SLC25A37: variants seen among roughly 807,000 people sequenced by gnomAD.
SLC25A37 encodes mitoferrin-1.
SLC25A37 carries 17 observed loss-of-function variants against 31.0 expected under a neutral mutation model. That is an observed-to-expected ratio of 0.55 (90% confidence interval 0.38 to 0.82). The LOEUF (loss-of-function observed/expected upper bound fraction) is 0.82. SLC25A37 is among the 40% of genes least tolerant of loss of function. The probability of loss-of-function intolerance (pLI) is 0.00; values close to 1 mark genes in which losing one functional copy is unlikely to be tolerated. For missense variants in SLC25A37, 404 were observed against 465.8 expected (o/e 0.87, Z 1.22); for synonymous variants, 222 against 193.0 (o/e 1.15, Z -1.24).
intron 1 of SLC25A37, among the ~76,000 whole-genome samples, chr8:23,547,002 G>A (rs1334842201): frequency 1.3e-5 from 2 of 152,090 alleles, no homozygotes; most frequent in African/African-American, 4.8e-5. Flanking sequence ...GGTTGGTGAC[G>A]CTTTGCCTGG....
At chr8:23,543,450 C>T (rs28884777) in intron 1 of SLC25A37, among the ~76,000 whole-genome samples, 56,972 of 152,020 alleles carry the variant, frequency 0.37, 12,349 homozygotes, top group East Asian at 0.62. Flanking sequence ...TTAAAGTCTA[C>T]GGTAGTGCAC....
intron 3 of SLC25A37, among the ~76,000 whole-genome samples, chr8:23,570,821 C>A (rs972543130): frequency 2.6e-5 from 4 of 152,216 alleles, no homozygotes; most frequent in African/African-American, 9.7e-5. Context: ...AGACATAATT[C>A]TAGTGTCTGT....
rs192570846 is a variant in SLC25A37, at chr8:23,549,971, C to T, written c.211-16137C>T. ...CCAAGGCGGGCAGATCCCCTGAGGT[C>T]GGGAGTTTGAGACCAGCCTGACCAA... On this transcript the variant is annotated intron_variant, in intron 1 of 3. Transcript: ENST00000519973. 2.9e-4 allele frequency among the ~76,000 whole-genome samples: 40 copies of T among 137,620 alleles called. 6 individuals are homozygous for T. In the Middle Eastern group the frequency reaches 0.01, roughly 36 times the overall value. 90.3% of individuals were successfully genotyped at this position (137,620 alleles called of 152,430 possible).
intron 1 of SLC25A37, among the ~76,000 whole-genome samples, chr8:23,557,539 G>T (rs906812006): frequency 2.0e-5 from 3 of 152,160 alleles, no homozygotes; most frequent in Admixed American, 2.0e-4. Flanking sequence ...GTGAGGGAGG[G>T]CTCTGCAGGA....
At chr8:23,568,625 A>G in intron 3 of SLC25A37, 1 of 518,616 alleles carries the variant, frequency 1.9e-6, no homozygotes. Context: ...GCAGCATCAG[A>G]CATCTTGAGG....
intron 1 of SLC25A37, among the ~76,000 whole-genome samples, chr8:23,540,348 T>C (rs913752689): frequency 6.6e-6 from 1 of 152,160 alleles, no homozygotes; most frequent in Non-Finnish European, 1.5e-5. Flanking sequence ...AGCTGGATTC[T>C]AGAATATGAG....
intron 1 of SLC25A37, among the ~76,000 whole-genome samples, chr8:23,552,721 CA>C (rs1802260821): frequency 6.6e-6 from 1 of 152,190 alleles, no homozygotes; most frequent in Non-Finnish European, 1.5e-5. Flanking sequence ...TGGTTGAACG[CA>C]GTTTCTTTGA....
At chr8:23,554,230 T>C (rs1026716129) in intron 1 of SLC25A37, among the ~76,000 whole-genome samples, 2 of 152,214 alleles carry the variant, frequency 1.3e-5, no homozygotes, top group African/African-American at 4.8e-5. Context: ...GTTATAATTA[T>C]TTTGTAAATA....
chr8:23,538,598 A>G (rs1293483426), intron 1 of SLC25A37, among the ~76,000 whole-genome samples: 8 of 151,158 alleles, frequency 5.3e-5, no homozygotes, highest in Admixed American at 1.3e-4. Flanking sequence ...CGATGAGGCA[A>G]TGTCTTCATT....
intron 1 of SLC25A37, among the ~76,000 whole-genome samples, chr8:23,565,846 C>A (rs750266455): frequency 1.3e-5 from 2 of 152,220 alleles, no homozygotes; most frequent in Admixed American, 6.5e-5. Flanking sequence ...TTGCCAGTGG[C>A]AGGGGAAGGT....
At chr8:23,570,489 C>G (rs1308766968) in intron 3 of SLC25A37, among the ~76,000 whole-genome samples, 1 of 152,132 alleles carries the variant, frequency 6.6e-6, no homozygotes, top group Non-Finnish European at 1.5e-5. Flanking sequence ...AATAAACATT[C>G]GCTTACATAT....
chr8:23,550,600 C>T (rs1802197333), intron 1 of SLC25A37, among the ~76,000 whole-genome samples: 2 of 152,364 alleles, frequency 1.3e-5, no homozygotes, highest in East Asian at 1.9e-4. Flanking sequence ...GTGCCTGGCT[C>T]CCTGGCCTGT....
At chr8:23,530,702 G>A (rs879872407) in intron 1 of SLC25A37, among the ~76,000 whole-genome samples, 1 of 152,226 alleles carries the variant, frequency 6.6e-6, no homozygotes, top group Non-Finnish European at 1.5e-5. Context: ...ACTGCCCTGG[G>A]CAGAGTCTGG....
intron 1 of SLC25A37, among the ~76,000 whole-genome samples, chr8:23,559,372 CGTGT>C (rs796480377): frequency 3.1e-5 from 4 of 129,850 alleles, no homozygotes; most frequent in African/African-American, 1.1e-4. Context: ...TGCGCGCGCG[CGTGT>C]GTGTGTTTAT....
In SLC25A37 at chr8:23,574,281, A is replaced by G. The variant is rs1802934633; in HGVS notation, c.*2426A>G. 5 of 162,880 alleles carry G rather than the reference A, an allele frequency of 3.1e-5. No individual in the cohort carries two copies. The South Asian group carries it at 7.4e-4, about 24-fold the overall frequency. 10.1% of individuals were successfully genotyped at this position (162,880 alleles called of 1,614,324 possible). ...GCAGTTTGAGACCAGCCTGGCCAACATGATGAAACCCCATCTCTACTAAAA... is the reference window on the plus strand; with the variant it reads ...GCAGTTTGAGACCAGCCTGGCCAACGTGATGAAACCCCATCTCTACTAAAA... On this transcript the variant is annotated 3_prime_UTR_variant, in exon 4 of 4. Transcript: ENST00000519973.
intron 1 of SLC25A37, among the ~76,000 whole-genome samples, chr8:23,551,077 C>T (rs1292599004): frequency 1.3e-5 from 2 of 152,346 alleles, no homozygotes; most frequent in South Asian, 2.1e-4. Flanking sequence ...AGGTCCCTGC[C>T]TAGCCCTGGC....
chr8:23,565,533 G>A (rs552158711), intron 1 of SLC25A37, among the ~76,000 whole-genome samples: 4 of 152,056 alleles, frequency 2.6e-5, no homozygotes, highest in Non-Finnish European at 4.4e-5. Context: ...TTATATTTAA[G>A]TGCCAACTTA....
At chr8:23,542,941 A>G (rs1271231983) in intron 1 of SLC25A37, 1 of 152,242 alleles carries the variant, frequency 6.6e-6, no homozygotes, top group Non-Finnish European at 1.5e-5. Flanking sequence ...GAGAAAAAAT[A>G]TTTTTTGTAG....
At chr8:23,557,473 G>T (rs1041386278) in intron 1 of SLC25A37, among the ~76,000 whole-genome samples, 1 of 152,192 alleles carries the variant, frequency 6.6e-6, no homozygotes, top group African/African-American at 2.4e-5. Flanking sequence ...ATAAAGCGTG[G>T]TGCCAAATGC....
Sources: allele counts gnomAD v4.1 joint callset (sites outside exome capture counted in the v4.1 genomes callset), GRCh38; gene constraint gnomAD v4.1.1; transcripts MANE v1.5; gene names NCBI Gene and HGNC (gene_info 2026-07-23, HGNC 2026-07-21).